The following MAST4 variants were observed in gnomAD, a reference collection of about 807,000 sequenced individuals.
The protein encoded by MAST4 is microtubule associated serine/threonine kinase family member 4, also known as microtubule-associated serine/threonine-protein kinase 4.
A neutral mutation model predicts 162.7 loss-of-function variants in MAST4; 89 were observed. The ratio of observed to expected loss-of-function variants is 0.55; its 90% confidence interval spans 0.46 to 0.65. The LOEUF is 0.65. MAST4 is among the 30% of genes least tolerant of loss of function. The probability of loss-of-function intolerance (pLI) is 0.00; values close to 1 mark genes in which losing one functional copy is unlikely to be tolerated. For missense variants in MAST4, 3,153 were observed against 3,374.0 expected (o/e 0.93, Z 1.62); for synonymous variants, 1,479 against 1,361.1 (o/e 1.09, Z -1.91).
chr5:67,145,075 C>A, intron 22 of MAST4, 69 bp from the exon 23 acceptor site: 2 of 1,350,110 alleles, frequency 1.5e-6, no homozygotes, highest in Non-Finnish European at 2.1e-6. Flanking sequence ...CACCTGGTTT[C>A]TTCCAAAATT....
Position 66,807,612 on chromosome 5 carries a change from C to T in MAST4, c.642+18818C>T, listed in dbSNP as rs1466067470. Among the ~76,000 whole-genome samples, 3 of 152,184 alleles carry T rather than the reference C, an allele frequency of 2.0e-5. No individual in the cohort carries two copies. In the East Asian group the frequency reaches 5.8e-4, roughly 29 times the overall value. On this transcript the variant is annotated intron_variant, in intron 3 of 28. Transcript: ENST00000403625. ...TTCTATTTTTATGTGTATCCATTAA[C>T]TGTTCCCACATTTGATCTCTTCCCA... is the stretch of plus-strand genomic sequence containing the variant.
intron 4 of MAST4, among the ~76,000 whole-genome samples, chr5:66,910,457 C>G (rs1353820235): frequency 6.6e-6 from 1 of 152,164 alleles, no homozygotes; most frequent in East Asian, 1.9e-4. Context: ...AAGTTGGGCC[C>G]TGGTAGCTCT....
At chr5:66,901,615 A>T (rs1763015641) in intron 4 of MAST4, among the ~76,000 whole-genome samples, 1 of 152,064 alleles carries the variant, frequency 6.6e-6, no homozygotes, top group Non-Finnish European at 1.5e-5. Context: ...AGCCATTTAA[A>T]CTCCCCTCCC....
At chr5:66,788,045 A>T (rs1185817928) in intron 2 of MAST4, among the ~76,000 whole-genome samples, 2 of 152,218 alleles carry the variant, frequency 1.3e-5, no homozygotes, top group Non-Finnish European at 2.9e-5. Flanking sequence ...ATATATGTAT[A>T]TATTAGAGTT....
intron 3 of MAST4, among the ~76,000 whole-genome samples, chr5:66,820,378 T>C (rs758956368): frequency 6.3e-4 from 96 of 152,320 alleles, no homozygotes; most frequent in Middle Eastern, 3.4e-3. Context: ...AGCTTTTCAA[T>C]TGATAGGTAT....
In MAST4 at chr5:66,596,773, G is replaced by A; in HGVS notation, c.118G>A (p.Glu40Lys). 2 of 1,387,150 alleles carry A rather than the reference G, an allele frequency of 1.4e-6. No individual in the cohort carries two copies. Among genetic ancestry groups the A allele is most frequent in the Non-Finnish European group, 9.4e-7 (1 of 1,068,130 alleles). 85.9% of individuals were successfully genotyped at this position (1,387,150 alleles called of 1,614,324 possible). A position where few individuals can be genotyped will look rare whatever the true frequency, so the allele number is the denominator to read the frequency against. Residue 40 changes from glutamate (E) to lysine (K), a missense_variant, in exon 1 of 29, where the codon GAG becomes AAG. Physicochemically the swap from Glu to Lys is moderately conservative, Grantham distance 56. Transcript: ENST00000403625. Reference sequence around the variant, plus strand: ...GTCCTCTCCGGGTGCTTCCTCGGCCGAGTCCTCCTCGGGCTCAGAAACTCT... The same window carrying A: ...GTCCTCTCCGGGTGCTTCCTCGGCCAAGTCCTCCTCGGGCTCAGAAACTCT... ...AASSPGASSA[E>K]SSSGSETLSE...
intron 5 of MAST4, among the ~76,000 whole-genome samples, chr5:67,057,115 C>A (rs1018264944): frequency 1.3e-5 from 2 of 152,112 alleles, no homozygotes; most frequent in Admixed American, 6.5e-5. Context: ...CTGGTAGATT[C>A]CTATTTCTGT....
chr5:67,148,582 T>C (rs1327138600), intron 23 of MAST4, among the ~76,000 whole-genome samples: 2 of 152,166 alleles, frequency 1.3e-5, no homozygotes, highest in Non-Finnish European at 1.5e-5. Flanking sequence ...TAAAAATAAC[T>C]CCAGTTTATA....
chr5:66,894,018 G>C lies in MAST4; in HGVS notation c.643-5933G>C, dbSNP rs556535469. 8.5e-5 allele frequency among the ~76,000 whole-genome samples: 13 copies of C among 152,258 alleles called. No homozygotes were observed. In the East Asian group the frequency reaches 2.5e-3, roughly 29 times the overall value. On this transcript the variant is annotated intron_variant, in intron 3 of 28. Coordinates refer to ENST00000403625, the MANE Select transcript of MAST4 (RefSeq NM_001164664.2). ...AGCCTGTACACCCAGCTAATTTTAA[G>C]CTTTGTCAAGTAGTGAGAACTCCAT...
intron 1 of MAST4, among the ~76,000 whole-genome samples, chr5:66,736,121 G>C (rs1752136608): frequency 6.6e-6 from 1 of 152,032 alleles, no homozygotes. Flanking sequence ...CATCTTGTTT[G>C]TTTTAACCTT....
intron 1 of MAST4, among the ~76,000 whole-genome samples, chr5:66,606,132 A>G (rs776801251): frequency 6.6e-6 from 1 of 152,002 alleles, no homozygotes; most frequent in African/African-American, 2.4e-5. Context: ...TTCTCTATCT[A>G]TAGTTTTATC....
chr5:67,074,758 TAAAG>T (rs770575838), intron 5 of MAST4, among the ~76,000 whole-genome samples: 90 of 152,336 alleles, frequency 5.9e-4, no homozygotes, highest in Admixed American at 3.9e-3. Flanking sequence ...TGTCAAAAAA[TAAAG>T]ACACTACAAT....
chr5:66,981,641 T>C (rs1748852139), intron 4 of MAST4, among the ~76,000 whole-genome samples: 1 of 152,232 alleles, frequency 6.6e-6, no homozygotes, highest in Admixed American at 6.5e-5. Context: ...TTGTTGTTCT[T>C]GGAGAACATG....
intron 4 of MAST4, among the ~76,000 whole-genome samples, chr5:67,046,954 G>A (rs749925199): frequency 5.9e-5 from 9 of 152,140 alleles, no homozygotes; most frequent in Non-Finnish European, 1.3e-4. Flanking sequence ...CTATGACCTG[G>A]ATCATTACAT....
Position 66,993,920 on chromosome 5 carries a change from A to ACCCCC in MAST4, c.675-60477_675-60473dup, listed in dbSNP as rs55759396. ...TATAGAATCAATGGGTGTGCAGAAG[A>ACCCCC]CCCCCCCCCCCACCCCACCAAATCT... On this transcript the variant is annotated intron_variant, in intron 4 of 28. Transcript: ENST00000403625. 1.0e-3 allele frequency among the ~76,000 whole-genome samples: 58 copies of ACCCCC among 57,702 alleles called. 1 individual carries two copies. Among genetic ancestry groups the ACCCCC allele is most frequent in the Non-Finnish European group, 1.3e-3 (38 of 29,222 alleles). The allele number at this position is 57,702 out of a possible 152,430, so 37.9% of individuals were successfully genotyped here.
intron 3 of MAST4, among the ~76,000 whole-genome samples, chr5:66,882,562 A>G (rs1468656060): frequency 2.6e-5 from 4 of 152,164 alleles, no homozygotes; most frequent in African/African-American, 4.8e-5. Context: ...TCATTCTAAT[A>G]TATTCTTCAG....
chr5:66,815,076 T>A (rs1368099011), intron 3 of MAST4, among the ~76,000 whole-genome samples: 2 of 152,248 alleles, frequency 1.3e-5, no homozygotes, highest in East Asian at 3.8e-4. Context: ...AACTTACATT[T>A]GAAGGAATAG....
chr5:67,095,426 A>G (rs980763462), intron 6 of MAST4, among the ~76,000 whole-genome samples, 171 bp from the exon 7 acceptor site: 6 of 152,190 alleles, frequency 3.9e-5, no homozygotes, highest in African/African-American at 1.4e-4. Flanking sequence ...CAGTTTAAAT[A>G]AAAGTCAACC....
chr5:66,922,386 G>C (rs1764598337), intron 4 of MAST4, among the ~76,000 whole-genome samples: 1 of 152,198 alleles, frequency 6.6e-6, no homozygotes, highest in Non-Finnish European at 1.5e-5. Flanking sequence ...CCTATTGTGA[G>C]CTGGTGACAT....
Sources: gnomAD v4.1 joint callset for allele counts (sites outside exome capture counted in the v4.1 genomes callset) on GRCh38, gnomAD v4.1.1 for gene constraint, MANE v1.5 for transcripts, NCBI Gene and HGNC (gene_info 2026-07-23, HGNC 2026-07-21) for gene names.